TNFAIP3: variants seen among roughly 807,000 people sequenced by gnomAD.
TNFAIP3 encodes tumor necrosis factor alpha-induced protein 3.
A neutral mutation model predicts 72.4 loss-of-function variants in TNFAIP3; 9 were observed. That is an observed-to-expected ratio of 0.12 (90% confidence interval 0.07 to 0.22). The LOEUF is 0.22. Ranked by LOEUF, TNFAIP3 falls within the 10% of genes least tolerant of loss-of-function variation. TNFAIP3 has a pLI of 1.00. For missense variants in TNFAIP3, 833 were observed against 1,018.7 expected, an observed-to-expected ratio of 0.82 and a Z score of 2.48; for synonymous variants, 339 against 372.6, an observed-to-expected ratio of 0.91 and a Z score of 1.04.
At chr6:137,877,374 C>T (rs1326111150) in intron 6 of TNFAIP3, 118 bp downstream of exon 6, 124 of 773,108 alleles carry the variant, frequency 1.6e-4, no homozygotes, top group Non-Finnish European at 5.8e-6. Flanking sequence ...CAGTTTCTGC[C>T]AATGGGAAAC....
rs756591879 is a variant in TNFAIP3 at position 137,879,276 on chromosome 6, G to A, written c.1831G>A (p.Gly611Ser). ...GGGGACGAGCAAGTGCAGAAAAGCC[G>A]GCTGCGTGTATTTTGGGACTCCAGA... is the stretch of plus-strand genomic sequence containing the variant. The part of the protein sequence containing the change: ...RTGTSKCRKA[G>S]CVYFGTPENK... The change falls in exon 7 of 9, where the codon GGC becomes AGC. Residue 611 changes from glycine (G) to serine (S), a missense_variant. Around this residue, in one of 2 missense-constraint regions of TNFAIP3, gnomAD observed 587 missense variants for 657.8 expected, o/e 0.89. Transcript: ENST00000612899. The A allele has an allele frequency of 6.2e-6, 10 of 1,614,074 alleles. No individual in the cohort carries two copies. The highest frequency in any genetic ancestry group is 4.5e-5 in the East Asian group (2 of 44,896).
rs1245843882 is a variant in TNFAIP3, at chr6:137,878,418, C to T, written c.987-14C>T. ...TGTGTATTCTCATACATATTTTTTC[C>T]TTTTGGTCTTCAGGTTGGATGAAGC... On this transcript the variant is annotated splice_polypyrimidine_tract_variant and intron_variant, in intron 6 of 8. Transcript: ENST00000612899. The T allele has an allele frequency of 8.2e-6, 13 of 1,585,222 alleles. No individual in the cohort carries two copies. In the Admixed American group the frequency reaches 1.4e-4, roughly 17 times the overall value.
intron 2 of TNFAIP3, among the ~76,000 whole-genome samples, chr6:137,872,781 T>C (rs142937600): frequency 1.3e-5 from 2 of 152,362 alleles, no homozygotes; most frequent in East Asian, 3.9e-4. Context: ...ACGGGGTTTA[T>C]GTGCCTGACA....
chr6:137,879,456 T>A, intron 7 of TNFAIP3, 105 bp downstream of exon 7: 1 of 1,337,628 alleles, frequency 7.5e-7, no homozygotes, highest in Non-Finnish European at 1.0e-6. Flanking sequence ...GGCAGAACTG[T>A]CAGGACCTAC....
At position 137,877,235 on chromosome 6, in the gene TNFAIP3, C is replaced by T. The variant is rs1776280774; in HGVS notation, c.965C>T (p.Thr322Ile). The change falls in exon 6 of 9, where the codon ACT becomes ATT. Residue 322 changes from threonine (T) to isoleucine (I), a missense_variant. Transcript: ENST00000612899. ...GTCCAAGGCTGGGACCATGGCACAA[C>T]TCATCTCATCAATGCCGCAAAGTAA... ...IPVQGWDHGT[T>I]HLINAAKLDE... 2 of 1,610,996 alleles carry T rather than the reference C, an allele frequency of 1.2e-6. No individual in the cohort carries two copies. Among genetic ancestry groups the T allele is most frequent in the African/African-American group, 1.3e-5 (1 of 74,776 alleles).
In TNFAIP3 at chr6:137,881,812, GA is replaced by G. The variant is rs1232064234; in HGVS notation, c.*495del. 8.5e-6 allele frequency: 2 copies of G among 234,234 alleles called. No homozygotes were observed. Among genetic ancestry groups the G allele is most frequent in the Admixed American group, 1.1e-4 (2 of 17,806 alleles). 14.5% of individuals were successfully genotyped at this position (234,234 alleles called of 1,614,324 possible). ...CGAGGCCCTCTGCAAGAAGCTCAAG[GA>G]AGCTCAGGGAAAATGGACGTATTCA... On this transcript the variant is annotated 3_prime_UTR_variant, in exon 9 of 9. Transcript: ENST00000612899. This position sits in a 1 kb window ranked among gnomAD's most constrained non-coding sequence, Gnocchi z 5.0.
At position 137,881,454 on chromosome 6, in the gene TNFAIP3, G is replaced by A. The variant is rs1776461472; in HGVS notation, c.*135G>A. ...TGTCTGAGCAGGAGAGGAAAGATAAGCTCTTCGTGGTGCCCACGATGCTCA... is the reference window on the plus strand; with the variant it reads ...TGTCTGAGCAGGAGAGGAAAGATAAACTCTTCGTGGTGCCCACGATGCTCA... On this transcript the variant is annotated 3_prime_UTR_variant, in exon 9 of 9. Coordinates refer to ENST00000612899, the MANE Select transcript of TNFAIP3 (RefSeq NM_001270508.2). The surrounding 1 kb of genome is among the most constrained non-coding windows in gnomAD (Gnocchi z 5.0). The A allele has an allele frequency of 2.5e-6, 2 of 785,028 alleles. No homozygotes were observed. Among genetic ancestry groups the A allele is most frequent in the Non-Finnish European group, 3.9e-6 (2 of 516,652 alleles). The allele number at this position is 785,028 out of a possible 1,614,324, so 48.6% of individuals were successfully genotyped here.
Position 137,871,655 on chromosome 6 carries a change from A to G in TNFAIP3, c.295+133A>G. ...AGATTTAGTATTGAGACCTTTATAT[A>G]GAATCTCTATTCGGGGTATGTGATA... On this transcript the variant is annotated intron_variant, in intron 2 of 8. Transcript: ENST00000612899. This position sits in a 1 kb window ranked among gnomAD's most constrained non-coding sequence, Gnocchi z 4.2. The G allele has an allele frequency of 1.0e-6, 1 of 960,734 alleles. No individual in the cohort carries two copies. The highest frequency in any genetic ancestry group is 2.6e-5 in the Admixed American group (1 of 38,256). 59.5% of individuals were successfully genotyped at this position (960,734 alleles called of 1,614,324 possible). A position where few individuals can be genotyped will look rare whatever the true frequency, so the allele number is the denominator to read the frequency against.
chr6:137,878,766 G>A lies in TNFAIP3; in HGVS notation c.1321G>A (p.Glu441Lys), dbSNP rs777740990. 8 of 1,613,854 alleles carry A rather than the reference G, an allele frequency of 5.0e-6. No homozygotes were observed. In the African/African-American group the frequency reaches 9.3e-5, roughly 19 times the overall value. ...CATGGCGCTCGGGGCCTCTCGGGGA[G>A]AAGCCTATGAGCCCTTGGCGTGGAA... ...PGMALGASRG[E>K]AYEPLAWNPE... is the part of the protein sequence containing the mutation. The change falls in exon 7 of 9, where the codon GAA becomes AAA. Residue 441 changes from glutamate to lysine, a missense_variant. This residue lies in a region of TNFAIP3 where 587 missense variants were observed against 657.8 expected (regional missense o/e 0.89). Transcript: ENST00000612899.
chr6:137,881,129 G>A lies in TNFAIP3; in HGVS notation c.2183G>A (p.Arg728His), dbSNP rs776383838. Residue 728 changes from arginine to histidine, a missense_variant, in exon 9 of 9, where the codon CGC becomes CAC. By Grantham distance (29) the Arg-to-His change is conservative. This residue lies in a region of TNFAIP3 where 587 missense variants were observed against 657.8 expected (regional missense o/e 0.89). Coordinates refer to ENST00000612899, the MANE Select transcript of TNFAIP3 (RefSeq NM_001270508.2). This position sits in a 1 kb window ranked among gnomAD's most constrained non-coding sequence, Gnocchi z 5.0. ...RASCKNILACRSEELCMECQH... is the reference protein window; with the variant it reads ...RASCKNILACHSEELCMECQH... ...TCCTGCAAGAACATCCTGGCCTGCC[G>A]CAGCGAGGAGCTCTGCATGGAGTGT... The A allele has an allele frequency of 4.2e-5, 68 of 1,613,808 alleles. No homozygotes were observed. The highest frequency in any genetic ancestry group is 1.6e-4 in the Middle Eastern group (1 of 6,080).
At chr6:137,875,541 G>C in intron 3 of TNFAIP3, 147 bp from the exon 4 acceptor site, 5 of 1,075,596 alleles carry the variant, frequency 4.6e-6, no homozygotes, top group Non-Finnish European at 6.5e-6. Context: ...GGGAAAAAAG[G>C]GTGATCATTT....
rs1776495278 is a variant in TNFAIP3 at position 137,882,469 on chromosome 6, T to A, written c.*1150T>A. 1.7e-5 allele frequency: 4 copies of A among 232,804 alleles called. No individual in the cohort carries two copies. The highest frequency in any genetic ancestry group is 3.4e-5 in the Non-Finnish European group (4 of 117,748). 14.4% of individuals were successfully genotyped at this position (232,804 alleles called of 1,614,324 possible). ...GTAAATTGGCCTCTTTGATACACTT[T>A]TGCTTGCCTCCCCAGGAAAGAAGGA... On this transcript the variant is annotated 3_prime_UTR_variant, in exon 9 of 9. Coordinates refer to ENST00000612899, the MANE Select transcript of TNFAIP3 (RefSeq NM_001270508.2).
At position 137,876,263 on chromosome 6, in the gene TNFAIP3, T is replaced by C. The variant is rs769031674; in HGVS notation, c.805+97T>C. The C allele has an allele frequency of 5.0e-6, 5 of 1,004,120 alleles. No individual in the cohort carries two copies. In the East Asian group the frequency reaches 1.3e-4, roughly 27 times the overall value. 62.2% of individuals were successfully genotyped at this position (1,004,120 alleles called of 1,614,324 possible). ...TTAAAACAGTCTTATTTAAGTATAT[T>C]ATTTTTATTTAAATATATTGTTCTG... On this transcript the variant is annotated intron_variant, in intron 5 of 8. Coordinates refer to ENST00000612899, the MANE Select transcript of TNFAIP3 (RefSeq NM_001270508.2).
At chr6:137,876,684 G>A (rs990122307) in intron 5 of TNFAIP3, among the ~76,000 whole-genome samples, 1 of 152,182 alleles carries the variant, frequency 6.6e-6, no homozygotes, top group African/African-American at 2.4e-5. Context: ...TATCCTTTTA[G>A]CACTCTTGTG....
At chr6:137,875,615 G>A in intron 3 of TNFAIP3, 73 bp from the exon 4 acceptor site, 1 of 1,514,840 alleles carries the variant, frequency 6.6e-7, no homozygotes, top group Non-Finnish European at 9.0e-7. Context: ...ATTGTAGAGT[G>A]ATGTCAGAAT....
chr6:137,874,847 G>A lies in TNFAIP3; in HGVS notation c.298G>A (p.Asp100Asn). 6.2e-7 allele frequency: 1 copy of A among 1,612,752 alleles called. No individual in the cohort carries two copies. Among genetic ancestry groups the A allele is most frequent in the Non-Finnish European group, 8.5e-7 (1 of 1,179,048 alleles). ...RKLVALKTNG[D>N]GNCLMHATSQ... ...CTTCTCCTCCTTTCTGTCCTCAGGT[G>A]ACGGCAATTGCCTCATGCATGCCAC... Residue 100 changes from aspartate to asparagine, a missense_variant and splice_region_variant, in exon 3 of 9, where the codon GAC (aspartate) becomes AAC (asparagine). Coordinates refer to ENST00000612899, the MANE Select transcript of TNFAIP3 (RefSeq NM_001270508.2).
In TNFAIP3 at chr6:137,882,785, T is replaced by C. The variant is rs1776505473; in HGVS notation, c.*1466T>C. 1 of 231,568 alleles carries C rather than the reference T, an allele frequency of 4.3e-6. No homozygotes were observed. Among genetic ancestry groups the C allele is most frequent in the Admixed American group, 5.7e-5 (1 of 17,690 alleles). 14.3% of individuals were successfully genotyped at this position (231,568 alleles called of 1,614,324 possible). On this transcript the variant is annotated 3_prime_UTR_variant, in exon 9 of 9. Coordinates refer to ENST00000612899, the MANE Select transcript of TNFAIP3 (RefSeq NM_001270508.2). Reference sequence around the variant, plus strand: ...TTGGGACAGCAAAAGCCAGTAACCATGAGTATGAGGAAATCTCTTTCTGTT... The same window carrying C: ...TTGGGACAGCAAAAGCCAGTAACCACGAGTATGAGGAAATCTCTTTCTGTT...
intron 3 of TNFAIP3, 101 bp downstream of exon 3, chr6:137,875,136 T>G: frequency 7.2e-7 from 1 of 1,384,870 alleles, no homozygotes; most frequent in Non-Finnish European, 1.0e-6. Flanking sequence ...ATGGACTAGG[T>G]CACATGAATT....
rs2114460216 is a variant in TNFAIP3, at chr6:137,871,449, G to C, written c.222G>C (p.Gln74His). ...IHKALIDRNI[Q>H]ATLESQKKLN... ...AAGCCCTCATCGACAGAAACATCCA[G>C]GCCACCCTGGAAAGCCAGAAGAAAC... The change falls in exon 2 of 9, where the codon CAG (glutamine) becomes CAC (histidine). Residue 74 changes from glutamine to histidine, a missense_variant. Gln to His is a conservative substitution (Grantham distance 24). This residue lies in a region of TNFAIP3 where 246 missense variants were observed against 360.9 expected (regional missense o/e 0.68). Coordinates refer to ENST00000612899, the MANE Select transcript of TNFAIP3 (RefSeq NM_001270508.2). The surrounding 1 kb of genome is among the most constrained non-coding windows in gnomAD (Gnocchi z 4.2). The C allele has an allele frequency of 6.2e-7, 1 of 1,614,160 alleles. No individual in the cohort carries two copies.
Sources: allele counts gnomAD v4.1 joint callset (sites outside exome capture counted in the v4.1 genomes callset), GRCh38; gene constraint gnomAD v4.1.1; regional missense constraint gnomAD v4.1.1; non-coding constraint Gnocchi (gnomAD v3.1); transcripts MANE v1.5; gene names NCBI Gene and HGNC (gene_info 2026-07-23, HGNC 2026-07-21).